CYP2J2: variants seen among roughly 807,000 people sequenced by gnomAD.
The protein encoded by CYP2J2 is cytochrome P450 family 2 subfamily J member 2.
In CYP2J2, 41 loss-of-function variants were observed where a neutral mutation model predicts 48.8. The observed-to-expected ratio is 0.84, with a 90% CI of 0.66 to 1.09. CYP2J2 has a LOEUF of 1.09. Ranked by LOEUF, CYP2J2 falls within the 50% of genes least tolerant of loss-of-function variation. The pLI is 0.00. For missense variants in CYP2J2, 644 were observed against 617.3 expected, an observed-to-expected ratio of 1.04 and a Z score of -0.46; for synonymous variants, 221 against 227.1, an observed-to-expected ratio of 0.97 and a Z score of 0.24.
At chr1:59,910,879 G>A (rs746897650) in intron 4 of CYP2J2, among the ~76,000 whole-genome samples, 1 of 152,076 alleles carries the variant, frequency 6.6e-6, no homozygotes, top group Non-Finnish European at 1.5e-5. Flanking sequence ...TGTGGTGCAG[G>A]GCCCACCAAG....
chr1:59,926,482 T>C (rs1644565290), intron 1 of CYP2J2, 55 bp downstream of exon 1: 1 of 1,490,824 alleles, frequency 6.7e-7, no homozygotes, highest in South Asian at 1.1e-5. Flanking sequence ...ACGTCCCTTG[T>C]GCTGCAGAAC....
chr1:59,928,985 A>G (rs1179112014), upstream of CYP2J2, among the ~76,000 whole-genome samples: 1 of 152,260 alleles, frequency 6.6e-6, no homozygotes, highest in East Asian at 1.9e-4. Flanking sequence ...ATTGCATCAA[A>G]TTTTGAAGTA....
intron 6 of CYP2J2, among the ~76,000 whole-genome samples, chr1:59,905,395 G>A (rs937379984): frequency 3.3e-5 from 5 of 152,188 alleles, no homozygotes; most frequent in Admixed American, 6.5e-5. Context: ...AAGGAGTGAG[G>A]CAGCTCTCTG....
At chr1:59,920,928 C>A (rs1242495709) in intron 1 of CYP2J2, among the ~76,000 whole-genome samples, 2 of 151,926 alleles carry the variant, frequency 1.3e-5, no homozygotes, top group African/African-American at 2.4e-5. Context: ...GACCATTTTC[C>A]CCTATTAAAA....
intron 4 of CYP2J2, among the ~76,000 whole-genome samples, chr1:59,910,565 T>G (rs568717824): frequency 6.6e-6 from 1 of 152,320 alleles, no homozygotes; most frequent in East Asian, 1.9e-4. Flanking sequence ...TTTAAAAATT[T>G]TGATAATGGC....
chr1:59,901,858 T>A lies in CYP2J2; in HGVS notation c.1192-755A>T, dbSNP rs1644322881. On this transcript the variant is annotated intron_variant, in intron 7 of 8. Transcript: ENST00000371204. ...TCACCCCTTTCAATCTGCTTCACACTCTGGAAGAGAGTGAGCTTCTAGCAT... is the reference window on the plus strand; with the variant it reads ...TCACCCCTTTCAATCTGCTTCACACACTGGAAGAGAGTGAGCTTCTAGCAT... 2.0e-5 allele frequency among the ~76,000 whole-genome samples: 3 copies of A among 151,668 alleles called. No individual in the cohort carries two copies. The South Asian group carries it at 6.2e-4, about 32-fold the overall frequency.
chr1:59,957,842 C>G, the CYP2J2 span, among the ~76,000 whole-genome samples: 1 of 152,056 alleles, frequency 6.6e-6, no homozygotes, highest in African/African-American at 2.4e-5. Flanking sequence ...TTGGGGTAAA[C>G]AGATTACTCT....
chr1:59,953,997 A>G, the CYP2J2 span, among the ~76,000 whole-genome samples: 1 of 151,998 alleles, frequency 6.6e-6, no homozygotes, highest in South Asian at 2.1e-4. Context: ...GTAGGATTAC[A>G]CCTTCCAGCC....
At chr1:59,915,527 A>G (rs1644456922) in intron 2 of CYP2J2, among the ~76,000 whole-genome samples, 1 of 152,224 alleles carries the variant, frequency 6.6e-6, no homozygotes, top group Non-Finnish European at 1.5e-5. Context: ...TCTGTGTGAC[A>G]CAACCTTAAT....
chr1:59,893,988 C>T (rs1393541395), intron 8 of CYP2J2, among the ~76,000 whole-genome samples, 159 bp from the exon 9 acceptor site: 1 of 152,136 alleles, frequency 6.6e-6, no homozygotes, highest in Non-Finnish European at 1.5e-5. Context: ...CTGATAACCA[C>T]TTGGGTTCAT....
At chr1:59,914,912 A>C (rs1300350126) in intron 2 of CYP2J2, among the ~76,000 whole-genome samples, 1 of 152,184 alleles carries the variant, frequency 6.6e-6, no homozygotes, top group Non-Finnish European at 1.5e-5. Flanking sequence ...CCGATTGTAC[A>C]TTTGTTCAAT....
At chr1:59,914,434 C>T (rs1559076950) in intron 2 of CYP2J2, among the ~76,000 whole-genome samples, 1 of 152,210 alleles carries the variant, frequency 6.6e-6, no homozygotes, top group Non-Finnish European at 1.5e-5. Context: ...GTACCCTGAA[C>T]AATCACTTTG....
chr1:59,933,829 T>C, the CYP2J2 span, among the ~76,000 whole-genome samples: 1 of 152,326 alleles, frequency 6.6e-6, no homozygotes, highest in East Asian at 1.9e-4. Context: ...GCAGATTTAA[T>C]GTCATCCATA....
At chr1:59,947,158 T>C in the CYP2J2 span, among the ~76,000 whole-genome samples, 43 of 151,802 alleles carry the variant, frequency 2.8e-4, no homozygotes, top group Non-Finnish European at 8.8e-5. Context: ...TGAGACTTAT[T>C]TTTTTTTGTC....
chr1:59,956,594 CAA>C, the CYP2J2 span, among the ~76,000 whole-genome samples: 7 of 152,014 alleles, frequency 4.6e-5, no homozygotes, highest in East Asian at 1.3e-3. Flanking sequence ...ATACAGTGCA[CAA>C]GTTTTCTAAA....
the CYP2J2 span, among the ~76,000 whole-genome samples, chr1:59,935,002 A>ATG: frequency 2.1e-5 from 1 of 47,936 alleles, no homozygotes; most frequent in Non-Finnish European, 3.7e-5. Flanking sequence ...ATATATATAT[A>ATG]TATATATATA....
In CYP2J2 at chr1:59,912,234, C is replaced by G. The variant is rs778866184; in HGVS notation, c.451G>C (p.Gly151Arg). Residue 151 changes from glycine (G) to arginine (R), a missense_variant, in exon 3 of 9, where the codon GGA (glycine) becomes CGA (arginine). Gly to Arg is a moderately radical substitution (Grantham distance 125). Coordinates refer to ENST00000371204, the MANE Select transcript of CYP2J2 (RefSeq NM_000775.4). ...ATGCGTTCCTCTAAGCTCTTCTTTC[C>G]TAAACCAAAGTTCCTTAGTGCTGTC... The part of the protein sequence containing the change: ...TLTALRNFGL[G>R]KKSLEERIQE... The G allele has an allele frequency of 6.2e-7, 1 of 1,613,916 alleles. No homozygotes were observed.
At chr1:59,953,158 G>T in the CYP2J2 span, among the ~76,000 whole-genome samples, 1 of 152,152 alleles carries the variant, frequency 6.6e-6, no homozygotes, top group Non-Finnish European at 1.5e-5. Context: ...TTATGACAAC[G>T]GGTGGCTGCC....
intron 1 of CYP2J2, 48 bp downstream of exon 1, chr1:59,926,489 G>C: frequency 6.5e-7 from 1 of 1,528,012 alleles, no homozygotes; most frequent in Non-Finnish European, 9.1e-7. Context: ...TTGTGCTGCA[G>C]AACAGAGTTA....
Sources: gnomAD v4.1 joint callset for allele counts (sites outside exome capture counted in the v4.1 genomes callset) on GRCh38, gnomAD v4.1.1 for gene constraint, MANE v1.5 for transcripts, NCBI Gene and HGNC (gene_info 2026-07-23, HGNC 2026-07-21) for gene names.